Variants in GCNT1 observed in about 807,000 individuals in gnomAD.
GCNT1 encodes the protein beta-1,3-galactosyl-O-glycosyl-glycoprotein beta-1,6-N-acetylglucosaminyltransferase.
Under a neutral mutation model 26.2 loss-of-function variants are expected in GCNT1, and 16 were observed. That is an observed-to-expected ratio of 0.61 (90% CI 0.41 to 0.93). The LOEUF (loss-of-function observed/expected upper bound fraction) is 0.93. Ranked by LOEUF, GCNT1 falls within the 40% of genes least tolerant of loss-of-function variation. GCNT1 has a pLI of 0.00. For missense variants in GCNT1, 477 were observed against 526.7 expected, an observed-to-expected ratio of 0.91 and a Z score of 0.92; for synonymous variants, 183 against 190.8, an observed-to-expected ratio of 0.96 and a Z score of 0.34.
chr9:76,453,084 C>T (rs1003528613), intron 1 of GCNT1, among the ~76,000 whole-genome samples: 3 of 152,228 alleles, frequency 2.0e-5, no homozygotes, highest in African/African-American at 7.2e-5. Context: ...ACCCCTTAGG[C>T]TGTGAGTATG....
At chr9:76,439,700 C>T (rs1823456984), upstream of GCNT1, among the ~76,000 whole-genome samples, 1 of 152,136 alleles carries the variant, frequency 6.6e-6, no homozygotes, top group Non-Finnish European at 1.5e-5. Flanking sequence ...CAGTGCTCTC[C>T]TTGCACTAAT....
At chr9:76,398,430 A>G in the GCNT1 span, among the ~76,000 whole-genome samples, 1 of 152,258 alleles carries the variant, frequency 6.6e-6, no homozygotes. Flanking sequence ...AATGCTGGCA[A>G]CCATGTAGAG....
At chr9:76,436,430 AT>A (rs1415099315) in intron 1 of GCNT1, among the ~76,000 whole-genome samples, 1 of 151,884 alleles carries the variant, frequency 6.6e-6, no homozygotes, top group African/African-American at 2.4e-5. Context: ...TCTGCTAAAA[AT>A]ACAAAAATTA....
rs528823400 is a variant in GCNT1 at position 76,492,660 on chromosome 9, G to A, written c.-289-8256G>A. Among the ~76,000 whole-genome samples, 24 of 150,356 alleles carry A rather than the reference G, an allele frequency of 1.6e-4. No homozygotes were observed. In the East Asian group the frequency reaches 2.1e-3, roughly 13 times the overall value. ...AACTTTGTGCCTTCCAGTGATTTCC[G>A]CGGCATAGTGGACACAGATGAGGGG... On this transcript the variant is annotated intron_variant, in intron 2 of 3. Coordinates refer to ENST00000376730, the MANE Select transcript of GCNT1 (RefSeq NM_001490.5).
chr9:76,411,349 G>A, the GCNT1 span, among the ~76,000 whole-genome samples: 1 of 151,646 alleles, frequency 6.6e-6, no homozygotes, highest in African/African-American at 2.4e-5. Context: ...TATTTTTTGA[G>A]ACAGGGTCAC....
chr9:76,440,095 T>C (rs1032513282), upstream of GCNT1, among the ~76,000 whole-genome samples: 5 of 146,810 alleles, frequency 3.4e-5, no homozygotes, highest in African/African-American at 1.3e-4. Context: ...CGAAATTCCG[T>C]CGCAAAAATA....
At chr9:76,394,119 C>G in the GCNT1 span, 7 of 1,609,354 alleles carry the variant, frequency 4.3e-6, no homozygotes, top group Non-Finnish European at 5.9e-6. Flanking sequence ...CTTGGAGCCG[C>G]GGCCGAAGCC....
chr9:76,461,457 G>A (rs1477317428), intron 2 of GCNT1, among the ~76,000 whole-genome samples: 15 of 151,636 alleles, frequency 9.9e-5, no homozygotes, highest in African/African-American at 1.5e-4. Flanking sequence ...GTGGCTAGGC[G>A]CCTGTAATCC....
the GCNT1 span, among the ~76,000 whole-genome samples, chr9:76,412,544 A>T: frequency 6.6e-6 from 1 of 152,224 alleles, no homozygotes; most frequent in Non-Finnish European, 1.5e-5. Flanking sequence ...ACACAATTCT[A>T]GTTGGGAGTT....
intron 2 of GCNT1, among the ~76,000 whole-genome samples, chr9:76,486,258 A>G (rs892532459): frequency 6.6e-6 from 1 of 152,236 alleles, no homozygotes; most frequent in Non-Finnish European, 1.5e-5. Flanking sequence ...TCCAGAGCAT[A>G]TTAAGCACTC....
chr9:76,431,370 A>C (rs1269875216), intron 1 of GCNT1, among the ~76,000 whole-genome samples: 2 of 152,118 alleles, frequency 1.3e-5, no homozygotes, highest in East Asian at 3.9e-4. Flanking sequence ...CCCATGATCC[A>C]CTCAGTTTCA....
chr9:76,482,859 C>T (rs1263000527), intron 2 of GCNT1, among the ~76,000 whole-genome samples: 1 of 146,404 alleles, frequency 6.8e-6, no homozygotes, highest in Non-Finnish European at 1.5e-5. Context: ...ACTGTGTTGC[C>T]CAGGCTGGTC....
chr9:76,443,987 A>G (rs927241782), intron 1 of GCNT1, among the ~76,000 whole-genome samples: 1 of 124,296 alleles, frequency 8.0e-6, no homozygotes, highest in Admixed American at 7.5e-5. Context: ...GGAAGGAAGG[A>G]AGGAAGAAAA....
intron 1 of GCNT1, among the ~76,000 whole-genome samples, chr9:76,449,728 C>A (rs1410063284): frequency 6.6e-6 from 1 of 152,164 alleles, no homozygotes; most frequent in Admixed American, 6.6e-5. Flanking sequence ...TTGGGATTTT[C>A]ACTTTTTTTC....
chr9:76,418,705 G>T (rs1250598448), upstream of GCNT1, among the ~76,000 whole-genome samples: 1 of 152,196 alleles, frequency 6.6e-6, no homozygotes. Flanking sequence ...AGTTGAGGGT[G>T]TAACAATTTT....
chr9:76,422,840 A>G (rs953624056), intron 1 of GCNT1, among the ~76,000 whole-genome samples: 2 of 152,244 alleles, frequency 1.3e-5, no homozygotes, highest in Non-Finnish European at 2.9e-5. Flanking sequence ...GGCATGAGTC[A>G]CTATGCCTGG....
At chr9:76,395,869 G>A in the GCNT1 span, among the ~76,000 whole-genome samples, 1 of 152,202 alleles carries the variant, frequency 6.6e-6, no homozygotes, top group South Asian at 2.1e-4. Flanking sequence ...TCTCACTCTT[G>A]ACTCCCGTCC....
chr9:76,505,041 A>C lies in GCNT1; in HGVS notation c.*1373A>C, dbSNP rs1167916060. Reference sequence around the variant, plus strand: ...TCTCAAAGTACATTCAAATCTTAAAAAGAAATTCTCGTACTTTTGCCATGT... The same window carrying C: ...TCTCAAAGTACATTCAAATCTTAAACAGAAATTCTCGTACTTTTGCCATGT... On this transcript the variant is annotated 3_prime_UTR_variant, in exon 4 of 4. Transcript: ENST00000376730. 7.3e-6 allele frequency: 3 copies of C among 412,706 alleles called. No homozygotes were observed. In the East Asian group the frequency reaches 1.1e-4, roughly 15 times the overall value. 25.6% of individuals were successfully genotyped at this position (412,706 alleles called of 1,614,324 possible).
At chr9:76,421,684 A>T (rs1587402956) in intron 1 of GCNT1, among the ~76,000 whole-genome samples, 4 of 103,596 alleles carry the variant, frequency 3.9e-5, no homozygotes, top group East Asian at 2.8e-4. Context: ...ATTTGTTTGT[A>T]GGTTGTTTTT....
Sources: allele counts gnomAD v4.1 joint callset (sites outside exome capture counted in the v4.1 genomes callset), GRCh38; gene constraint gnomAD v4.1.1; transcripts MANE v1.5; gene names NCBI Gene and HGNC (gene_info 2026-07-23, HGNC 2026-07-21).